Variants in PPP1R9A observed in about 807,000 individuals in gnomAD.
The protein encoded by PPP1R9A is neurabin-1.
PPP1R9A carries 59 observed loss-of-function variants against 141.9 expected under a neutral mutation model. The ratio of observed to expected loss-of-function variants is 0.42; its 90% CI spans 0.34 to 0.52. The LOEUF (loss-of-function observed/expected upper bound fraction) is 0.52. Ranked by LOEUF, PPP1R9A falls within the 20% of genes least tolerant of loss-of-function variation. The pLI, the probability that PPP1R9A is intolerant of heterozygous loss-of-function variation, is 0.10. For synonymous variants in PPP1R9A, 500 were observed against 569.7 expected (o/e 0.88, Z 1.74); for missense variants, 1,444 against 1,611.9 (o/e 0.90, Z 1.78).
intron 16 of PPP1R9A, among the ~76,000 whole-genome samples, chr7:95,280,893 T>C (rs1402133885): frequency 6.6e-6 from 1 of 152,164 alleles, no homozygotes; most frequent in Non-Finnish European, 1.5e-5. Flanking sequence ...TTATTCCTAA[T>C]GGATTTCTCC....
Position 94,917,055 on chromosome 7 carries a change from A to T in PPP1R9A, c.1395+5547A>T, listed in dbSNP as rs1437953455. On this transcript the variant is annotated intron_variant, in intron 2 of 19. Transcript: ENST00000433360. The stretch of plus-strand genomic sequence containing the variant: ...AGTCTCGAACTCCTGACCTCAAGTG[A>T]TCTGACCGCGTTGGCCTCCCAAAGT... Among the ~76,000 whole-genome samples the T allele has an allele frequency of 4.6e-5, 7 of 152,140 alleles. No individual in the cohort carries two copies. The East Asian group carries it at 1.3e-3, about 29-fold the overall frequency.
intron 5 of PPP1R9A, among the ~76,000 whole-genome samples, chr7:95,185,952 A>G (rs1324104975): frequency 6.6e-6 from 1 of 152,118 alleles, no homozygotes; most frequent in African/African-American, 2.4e-5. Flanking sequence ...GAAGTCAGGT[A>G]ATGTGATGCC....
intron 16 of PPP1R9A, 24 bp downstream of exon 16, chr7:95,274,192 C>T (rs1424532984): frequency 1.3e-5 from 19 of 1,499,222 alleles, no homozygotes; most frequent in South Asian, 2.4e-5. Context: ...ATTAAGAACA[C>T]GTGTATTTCT....
chr7:94,942,083 GA>G (rs542672288), intron 2 of PPP1R9A, among the ~76,000 whole-genome samples: 12 of 151,358 alleles, frequency 7.9e-5, no homozygotes, highest in African/African-American at 2.4e-4. Context: ...ATGAGGTTAG[GA>G]AAAAAAAGAA....
At chr7:95,096,828 A>G (rs1369775364) in intron 2 of PPP1R9A, among the ~76,000 whole-genome samples, 1 of 152,044 alleles carries the variant, frequency 6.6e-6, no homozygotes, top group Non-Finnish European at 1.5e-5. Flanking sequence ...CCTTCCACAC[A>G]TACTACCCCC....
rs184436919 is a variant in PPP1R9A, at chr7:95,058,168, A to G, written c.1396-53091A>G. Among the ~76,000 whole-genome samples, 6 of 152,342 alleles carry G rather than the reference A, an allele frequency of 3.9e-5. No individual in the cohort carries two copies. The East Asian group carries it at 1.2e-3, about 29-fold the overall frequency. ...TTGTTCCTTTGTAGATTGACCTCCC[A>G]AAAGTTCTACCTTTAGTTAGATTGT... On this transcript the variant is annotated intron_variant, in intron 2 of 19. Transcript: ENST00000433360.
At chr7:95,121,788 T>C (rs890290109) in intron 4 of PPP1R9A, among the ~76,000 whole-genome samples, 4 of 152,072 alleles carry the variant, frequency 2.6e-5, no homozygotes, top group Non-Finnish European at 5.9e-5. Flanking sequence ...AAAACTTGCT[T>C]TTATAACAAA....
chr7:94,918,997 T>C (rs1289168487), intron 2 of PPP1R9A, among the ~76,000 whole-genome samples: 1 of 152,198 alleles, frequency 6.6e-6, no homozygotes, highest in East Asian at 1.9e-4. Context: ...GAATGAAATG[T>C]ATAACTGAGG....
intron 2 of PPP1R9A, among the ~76,000 whole-genome samples, chr7:94,932,400 T>C (rs918162798): frequency 6.6e-5 from 10 of 152,250 alleles, no homozygotes; most frequent in Non-Finnish European, 1.3e-4. Context: ...TGAATTCTTC[T>C]TAATATGCTA....
At chr7:94,923,189 G>A (rs1239659476) in intron 2 of PPP1R9A, among the ~76,000 whole-genome samples, 1 of 152,142 alleles carries the variant, frequency 6.6e-6, no homozygotes, top group Non-Finnish European at 1.5e-5. Flanking sequence ...TGATTATATA[G>A]CATTTGCATA....
intron 2 of PPP1R9A, among the ~76,000 whole-genome samples, chr7:94,961,571 G>GTT (rs1450494920): frequency 1.3e-5 from 2 of 151,812 alleles, no homozygotes; most frequent in African/African-American, 4.8e-5. Flanking sequence ...TTTATAGGAA[G>GTT]TTTAAGTATT....
chr7:95,083,141 T>G (rs1309865325), intron 2 of PPP1R9A, among the ~76,000 whole-genome samples: 2 of 151,944 alleles, frequency 1.3e-5, no homozygotes, highest in Non-Finnish European at 2.9e-5. Flanking sequence ...ATATATATTT[T>G]GTATATATTT....
Position 95,072,321 on chromosome 7 carries a change from A to T in PPP1R9A, c.1396-38938A>T, listed in dbSNP as rs187199861. On this transcript the variant is annotated intron_variant, in intron 2 of 19. Coordinates refer to ENST00000433360, the MANE Select transcript of PPP1R9A (RefSeq NM_001166160.2). ...AATTAATAATATTGTATTATATAAT[A>T]TATATTATATATAATAATATAAGTT... 6.5e-3 allele frequency among the ~76,000 whole-genome samples: 935 copies of T among 144,558 alleles called. 10 individuals carry two copies. Among genetic ancestry groups the T allele is most frequent in the African/African-American group, 0.022 (892 of 39,890 alleles). 94.8% of individuals were successfully genotyped at this position (144,558 alleles called of 152,430 possible). A position where few individuals can be genotyped will look rare whatever the true frequency, so the allele number is the denominator to read the frequency against.
intron 2 of PPP1R9A, among the ~76,000 whole-genome samples, chr7:95,015,365 G>A (rs1034796033): frequency 6.6e-6 from 1 of 152,010 alleles, no homozygotes; most frequent in African/African-American, 2.4e-5. Flanking sequence ...TACACAGAAT[G>A]ATAGGAAGCT....
intron 7 of PPP1R9A, among the ~76,000 whole-genome samples, chr7:95,213,668 G>C (rs1792630754): frequency 6.6e-6 from 1 of 152,042 alleles, no homozygotes; most frequent in Non-Finnish European, 1.5e-5. Flanking sequence ...TCTTCTGGCA[G>C]TTCCATGGAT....
At chr7:94,997,279 C>T (rs1178333194) in intron 2 of PPP1R9A, among the ~76,000 whole-genome samples, 1 of 151,906 alleles carries the variant, frequency 6.6e-6, no homozygotes, top group Non-Finnish European at 1.5e-5. Flanking sequence ...CTGTTCTAGT[C>T]TCTTTTTTTC....
intron 2 of PPP1R9A, among the ~76,000 whole-genome samples, chr7:95,106,683 G>A (rs1222469565): frequency 6.6e-6 from 1 of 152,106 alleles, no homozygotes; most frequent in Non-Finnish European, 1.5e-5. Flanking sequence ...ACACTTAAAT[G>A]TGACATGATT....
chr7:95,207,781 T>A (rs978548392), intron 7 of PPP1R9A, among the ~76,000 whole-genome samples: 3 of 152,198 alleles, frequency 2.0e-5, no homozygotes, highest in African/African-American at 7.2e-5. Context: ...GCAACTTTGC[T>A]GAATACATAA....
rs111251278 is a variant in PPP1R9A, at chr7:95,039,089, A to G, written c.1396-72170A>G. On this transcript the variant is annotated intron_variant, in intron 2 of 19. Transcript: ENST00000433360. ...AAACTTATAAGGCATGCCAAAGGCA[A>G]GAAAGAACACAGTCTGAAGAGACAA... Among the ~76,000 whole-genome samples, 521 of 152,312 alleles carry G rather than the reference A, an allele frequency of 3.4e-3. 3 individuals carry two copies. The highest frequency in any genetic ancestry group is 0.012 in the African/African-American group (488 of 41,556).
Sources: gnomAD v4.1 joint callset for allele counts (sites outside exome capture counted in the v4.1 genomes callset) on GRCh38, gnomAD v4.1.1 for gene constraint, MANE v1.5 for transcripts, NCBI Gene and HGNC (gene_info 2026-07-23, HGNC 2026-07-21) for gene names.